INVS: variants seen among roughly 807,000 people sequenced by gnomAD.
The protein encoded by INVS is inversin.
INVS carries 86 observed loss-of-function variants against 108.8 expected under a neutral mutation model. The observed-to-expected ratio is 0.79, with a 90% CI of 0.66 to 0.95. The LOEUF (loss-of-function observed/expected upper bound fraction) is 0.95. Among genes scored for constraint, INVS ranks in the 40% least tolerant of loss-of-function variants. The pLI is 0.00. For missense variants in INVS, 1,169 were observed against 1,297.4 expected, an observed-to-expected ratio of 0.90 and a Z score of 1.52; for synonymous variants, 455 against 473.5, an observed-to-expected ratio of 0.96 and a Z score of 0.51.
Position 100,138,986 on chromosome 9 carries a change from G to T in INVS, c.273+12437G>T, listed in dbSNP as rs528285751. On this transcript the variant is annotated intron_variant, in intron 3 of 16. Coordinates refer to ENST00000262457, the MANE Select transcript of INVS (RefSeq NM_014425.5). ...CTCCCAAAGTGCTGGGATTACAGGC[G>T]TGAGCCACCGCGCCCGGCCTTATTG... Among the ~76,000 whole-genome samples the T allele has an allele frequency of 5.9e-5, 9 of 152,188 alleles. No individual in the cohort carries two copies. The East Asian group carries it at 1.2e-3, about 20-fold the overall frequency.
intron 3 of INVS, among the ~76,000 whole-genome samples, chr9:100,176,910 C>T (rs764186433): frequency 3.3e-5 from 5 of 151,786 alleles, no homozygotes; most frequent in Admixed American, 6.6e-5. Flanking sequence ...TTATAGACAG[C>T]GGTCTTGTAT....
At chr9:100,225,970 G>T (rs1831304467) in intron 3 of INVS, 92 bp from the exon 4 acceptor site, 2 of 848,470 alleles carry the variant, frequency 2.4e-6, no homozygotes, top group Non-Finnish European at 3.8e-6. Context: ...TACTCTAGGA[G>T]AATAATTAAC....
chr9:100,104,128 A>C (rs571666317), intron 1 of INVS, among the ~76,000 whole-genome samples: 1 of 152,210 alleles, frequency 6.6e-6, no homozygotes, highest in East Asian at 1.9e-4. Context: ...AGAAGCACCT[A>C]CCCTCTCATT....
At chr9:100,247,862 G>A (rs759545569) in intron 8 of INVS, among the ~76,000 whole-genome samples, 3 of 151,976 alleles carry the variant, frequency 2.0e-5, no homozygotes, top group Admixed American at 6.6e-5. Context: ...AGGCTGGAGT[G>A]CAGTGGCATG....
chr9:100,226,981 C>A (rs1475585503), intron 4 of INVS, among the ~76,000 whole-genome samples: 1 of 152,172 alleles, frequency 6.6e-6, no homozygotes, highest in Non-Finnish European at 1.5e-5. Flanking sequence ...TATCAGCCTT[C>A]CTGGGTTTCA....
intron 3 of INVS, among the ~76,000 whole-genome samples, chr9:100,197,404 C>G (rs574604246): frequency 6.6e-6 from 1 of 152,084 alleles, no homozygotes; most frequent in African/African-American, 2.4e-5. Context: ...AAAACACTGA[C>G]TCTATCAAAA....
intron 3 of INVS, among the ~76,000 whole-genome samples, chr9:100,153,486 G>C (rs546841024): frequency 6.6e-6 from 1 of 152,138 alleles, no homozygotes; most frequent in Admixed American, 6.5e-5. Flanking sequence ...AAATCACAAA[G>C]AGATAACATG....
intron 3 of INVS, among the ~76,000 whole-genome samples, chr9:100,198,661 C>T (rs1481749406): frequency 6.6e-5 from 10 of 151,046 alleles, no homozygotes; most frequent in Admixed American, 6.6e-5. Flanking sequence ...GGCATGATCT[C>T]GGCTCACTGC....
chr9:100,292,368 A>C lies in INVS; in HGVS notation c.2111A>C (p.His704Pro). The change falls in exon 14 of 17, where the codon CAC becomes CCC. Residue 704 changes from histidine (H) to proline (P), a missense_variant. Transcript: ENST00000262457. The part of the protein sequence containing the change: ...EHSKGQSACV[H>P]FRPNEGSDGS... ...TCTAAAGGCCAATCTGCTTGTGTCC[A>C]CTTCAGACCCAATGAAGGCAGTGAT... is the stretch of plus-strand genomic sequence containing the variant. 2.5e-6 allele frequency: 4 copies of C among 1,614,140 alleles called. No homozygotes were observed. The highest frequency in any genetic ancestry group is 3.4e-6 in the Non-Finnish European group (4 of 1,180,038).
chr9:100,188,208 A>T (rs1315369077), intron 3 of INVS, among the ~76,000 whole-genome samples: 2 of 152,160 alleles, frequency 1.3e-5, no homozygotes, highest in Non-Finnish European at 2.9e-5. Flanking sequence ...GACTTCCAGT[A>T]CTATGCTGAA....
At chr9:100,181,710 A>G (rs890791216) in intron 3 of INVS, among the ~76,000 whole-genome samples, 1 of 152,218 alleles carries the variant, frequency 6.6e-6, no homozygotes, top group Non-Finnish European at 1.5e-5. Context: ...TTATAGATTC[A>G]GTGCTATCCC....
At chr9:100,124,177 A>AGTGTGTGTGTGTGTGT (rs3052021) in intron 2 of INVS, among the ~76,000 whole-genome samples, 8 of 144,114 alleles carry the variant, frequency 5.6e-5, no homozygotes, top group African/African-American at 2.1e-4. Flanking sequence ...TTTGTTTCTG[A>AGTGTGTGTGTGTGTGT]GTGTGTGTGT....
chr9:100,256,755 A>G (rs1361988993), intron 10 of INVS, among the ~76,000 whole-genome samples: 2 of 152,098 alleles, frequency 1.3e-5, no homozygotes, highest in African/African-American at 2.4e-5. Flanking sequence ...CTGAGTTCTA[A>G]TTTGATTGCA....
intron 3 of INVS, among the ~76,000 whole-genome samples, chr9:100,147,889 A>C (rs1467982168): frequency 1.3e-5 from 2 of 152,096 alleles, no homozygotes; most frequent in Admixed American, 1.3e-4. Context: ...AAGAAAATTT[A>C]AAAAATAAAC....
At chr9:100,183,624 C>T (rs1198851386) in intron 3 of INVS, among the ~76,000 whole-genome samples, 2 of 151,936 alleles carry the variant, frequency 1.3e-5, no homozygotes, top group Non-Finnish European at 2.9e-5. Context: ...GAAACCTCGT[C>T]TCTACTAAAA....
chr9:100,239,654 T>C (rs1278197121), intron 5 of INVS, among the ~76,000 whole-genome samples: 3 of 152,090 alleles, frequency 2.0e-5, no homozygotes, highest in Non-Finnish European at 4.4e-5. Context: ...AATGTAGAGG[T>C]CTTATTTCGA....
intron 13 of INVS, among the ~76,000 whole-genome samples, chr9:100,287,596 T>C (rs887487600): frequency 6.6e-6 from 1 of 152,194 alleles, no homozygotes; most frequent in African/African-American, 2.4e-5. Context: ...AGTGAGTTCT[T>C]ACAAGATCTC....
chr9:100,139,271 T>C (rs1346602998), intron 3 of INVS, among the ~76,000 whole-genome samples: 2 of 152,220 alleles, frequency 1.3e-5, no homozygotes, highest in Non-Finnish European at 2.9e-5. Context: ...TCTCTGGACT[T>C]TGATACTGCA....
chr9:100,168,588 G>A (rs1305667675), intron 3 of INVS, among the ~76,000 whole-genome samples: 12 of 152,212 alleles, frequency 7.9e-5, no homozygotes, highest in Admixed American at 1.3e-4. Context: ...AGGATTAGAG[G>A]TCTAATTGGA....
Sources: allele counts gnomAD v4.1 joint callset (sites outside exome capture counted in the v4.1 genomes callset), GRCh38; gene constraint gnomAD v4.1.1; transcripts MANE v1.5; gene names NCBI Gene and HGNC (gene_info 2026-07-23, HGNC 2026-07-21).